NAA35: variants seen among roughly 807,000 people sequenced by gnomAD.
The protein encoded by NAA35 is MAK10 homolog, amino-acid N-acetyltransferase subunit.
In NAA35, 18 loss-of-function variants were observed where a neutral mutation model predicts 101.7. The observed-to-expected ratio is 0.18, with a 90% CI of 0.12 to 0.26. NAA35 has a LOEUF of 0.26. Ranked by LOEUF, NAA35 falls within the 10% of genes least tolerant of loss-of-function variation. The pLI is 1.00. For synonymous variants in NAA35, 267 were observed against 273.1 expected (o/e 0.98, Z 0.22); for missense variants, 601 against 886.8 (o/e 0.68, Z 4.09).
chr9:85,976,794 G>A, intron 9 of NAA35, 59 bp downstream of exon 9: 1 of 1,319,824 alleles, frequency 7.6e-7, no homozygotes, highest in Non-Finnish European at 1.1e-6. Flanking sequence ...TAATGTTGTA[G>A]TTTTATGAAC....
intron 17 of NAA35, among the ~76,000 whole-genome samples, chr9:86,014,699 C>G (rs1426581195): frequency 6.6e-6 from 1 of 152,178 alleles, no homozygotes; most frequent in Non-Finnish European, 1.5e-5. Flanking sequence ...AAGTAATTCT[C>G]TTCCATGCTG....
At chr9:85,989,637 G>C (rs1487570095) in intron 11 of NAA35, among the ~76,000 whole-genome samples, 2 of 152,180 alleles carry the variant, frequency 1.3e-5, no homozygotes, top group African/African-American at 4.8e-5. Context: ...GGAGGAGAAA[G>C]ACTGAAATCA....
At chr9:85,974,266 A>C (rs532626426) in intron 6 of NAA35, among the ~76,000 whole-genome samples, 150 of 152,180 alleles carry the variant, frequency 9.9e-4, no homozygotes, top group Non-Finnish European at 1.8e-3. Flanking sequence ...GCCCCTAGCT[A>C]TGTTTTTATA....
At position 86,021,987 on chromosome 9, in the gene NAA35, G is replaced by T; in HGVS notation, c.*27G>T. On this transcript the variant is annotated 3_prime_UTR_variant, in exon 23 of 23. Coordinates refer to ENST00000361671, the MANE Select transcript of NAA35 (RefSeq NM_024635.4). ...AGAGACTGGGGAGGTGGCCATAAAG[G>T]GGCAGAGTCTTCTTTCAGACCCAAC... 1 of 1,591,244 alleles carries T rather than the reference G, an allele frequency of 6.3e-7. No homozygotes were observed. The highest frequency in any genetic ancestry group is 1.1e-5 in the South Asian group (1 of 89,978).
intron 2 of NAA35, among the ~76,000 whole-genome samples, chr9:85,943,754 T>A (rs1261248026): frequency 2.0e-5 from 3 of 152,300 alleles, no homozygotes; most frequent in East Asian, 3.9e-4. Context: ...TAGGGGGCTG[T>A]CATTATTAAC....
In NAA35 at chr9:86,022,026, A is replaced by G; in HGVS notation, c.*66A>G. 1.7e-6 allele frequency: 2 copies of G among 1,204,218 alleles called. No homozygotes were observed. The highest frequency in any genetic ancestry group is 2.6e-5 in the South Asian group (2 of 76,944). 74.6% of individuals were successfully genotyped at this position (1,204,218 alleles called of 1,614,324 possible). ...TTCAGACCCAACTCTTAGAGGGCACATCACCAGGCTCCACATCACGGGAAG... is the reference window on the plus strand; with the variant it reads ...TTCAGACCCAACTCTTAGAGGGCACGTCACCAGGCTCCACATCACGGGAAG... On this transcript the variant is annotated 3_prime_UTR_variant, in exon 23 of 23. Coordinates refer to ENST00000361671, the MANE Select transcript of NAA35 (RefSeq NM_024635.4).
Position 86,018,380 on chromosome 9 carries a change from C to T in NAA35, c.1899C>T (p.His633=), listed in dbSNP as rs1587672095. ...GTGTGATGACCCCGCCGCCAGTGCA[C>T]TACTTACAGTTCAAGGTGAACCTGC... ...FNSVMTPPPV[H]YLQFKEMSDL... The change falls in exon 20 of 23, where the codon CAC becomes CAT. Residue 633 remains histidine, a synonymous_variant. Transcript: ENST00000361671. 6.2e-7 allele frequency: 1 copy of T among 1,612,948 alleles called. No individual in the cohort carries two copies. The highest frequency in any genetic ancestry group is 8.5e-7 in the Non-Finnish European group (1 of 1,179,154).
chr9:85,976,551 G>T (rs957896834), intron 8 of NAA35, 134 bp from the exon 9 acceptor site: 2 of 554,224 alleles, frequency 3.6e-6, no homozygotes, highest in African/African-American at 2.0e-5. Context: ...TACTAGACAC[G>T]GCTTTTTTTC....
intron 15 of NAA35, 104 bp from the exon 16 acceptor site, chr9:86,012,942 C>A: frequency 1.6e-6 from 1 of 634,338 alleles, no homozygotes; most frequent in African/African-American, 1.8e-5. Flanking sequence ...CTTACATACA[C>A]AGCATTTTTT....
At position 86,025,083 on chromosome 9, in the gene NAA35, A is replaced by G. The variant is rs974916711; in HGVS notation, c.*3123A>G. 6.6e-6 allele frequency among the ~76,000 whole-genome samples: 1 copy of G among 152,204 alleles called. No individual in the cohort carries two copies. The highest frequency in any genetic ancestry group is 6.5e-5 in the Admixed American group (1 of 15,280). ...TTTTGTTTGCACAAGACTCTAAGAC[A>G]GTATACTGCCTTAAATAAAGTGCAC... is the stretch of plus-strand genomic sequence containing the variant. On this transcript the variant is annotated 3_prime_UTR_variant, in exon 23 of 23. Coordinates refer to ENST00000361671, the MANE Select transcript of NAA35 (RefSeq NM_024635.4).
chr9:85,975,466 T>C (rs1242025371), intron 8 of NAA35, among the ~76,000 whole-genome samples: 2 of 152,188 alleles, frequency 1.3e-5, no homozygotes, highest in Admixed American at 6.5e-5. Context: ...AAGTCTCTTA[T>C]ATACAATGGT....
chr9:85,975,235 G>A (rs1830158697), intron 8 of NAA35, 78 bp downstream of exon 8: 3 of 1,413,406 alleles, frequency 2.1e-6, no homozygotes, highest in East Asian at 4.6e-5. Context: ...TTAAAAATGT[G>A]TAGAACCACC....
intron 2 of NAA35, among the ~76,000 whole-genome samples, chr9:85,954,618 A>C (rs917613988): frequency 2.0e-5 from 3 of 152,186 alleles, no homozygotes; most frequent in Non-Finnish European, 4.4e-5. Context: ...AGATTGAAGA[A>C]AATTTTTGTC....
chr9:85,968,282 C>G (rs1829849112), intron 6 of NAA35, among the ~76,000 whole-genome samples: 2 of 152,318 alleles, frequency 1.3e-5, no homozygotes, highest in South Asian at 4.1e-4. Context: ...GCTATCTCGG[C>G]TCACTGCAAG....
chr9:86,004,977 A>G (rs985792129), intron 13 of NAA35, among the ~76,000 whole-genome samples: 3 of 152,148 alleles, frequency 2.0e-5, no homozygotes, highest in Non-Finnish European at 2.9e-5. Flanking sequence ...AGGCAAGAAC[A>G]CTCATATGAG....
intron 6 of NAA35, among the ~76,000 whole-genome samples, chr9:85,972,659 C>T (rs1407415154): frequency 3.3e-5 from 5 of 152,114 alleles, no homozygotes; most frequent in Admixed American, 2.6e-4. Context: ...GTGGCTGACT[C>T]CTTTTAAATG....
At chr9:85,985,524 A>G (rs1378315018) in intron 11 of NAA35, among the ~76,000 whole-genome samples, 2 of 152,222 alleles carry the variant, frequency 1.3e-5, no homozygotes, top group Non-Finnish European at 2.9e-5. Context: ...TTTATATAAA[A>G]TGTCCAAAGT....
intron 11 of NAA35, among the ~76,000 whole-genome samples, chr9:85,993,975 AT>A (rs56865808): frequency 0.028 from 4,039 of 142,946 alleles, 151 homozygotes; most frequent in African/African-American, 0.088. Context: ...CACCCGGCTA[AT>A]TTTTTTTTTT....
At chr9:85,974,530 G>A (rs1830131831) in intron 6 of NAA35, among the ~76,000 whole-genome samples, 1 of 152,118 alleles carries the variant, frequency 6.6e-6, no homozygotes, top group Non-Finnish European at 1.5e-5. Flanking sequence ...TTCTGTTTGA[G>A]AAATCTTAAC....
Sources: allele counts gnomAD v4.1 joint callset (sites outside exome capture counted in the v4.1 genomes callset), GRCh38; gene constraint gnomAD v4.1.1; transcripts MANE v1.5; gene names NCBI Gene and HGNC (gene_info 2026-07-23, HGNC 2026-07-21).